OPRM1: variants seen among roughly 807,000 people sequenced by gnomAD.
The protein encoded by OPRM1 is mu-type opioid receptor.
OPRM1 carries 27 observed loss-of-function variants against 31.8 expected under a neutral mutation model. The ratio of observed to expected loss-of-function variants is 0.85; its 90% CI spans 0.63 to 1.17. OPRM1 has a LOEUF of 1.17. OPRM1 is among the 50% of genes most tolerant of loss of function. The pLI, the probability that OPRM1 is intolerant of heterozygous loss-of-function variation, is 0.00. For synonymous variants in OPRM1, 196 were observed against 189.9 expected (o/e 1.03, Z -0.26); for missense variants, 536 against 511.1 (o/e 1.05, Z -0.47).
At chr6:154,141,780 A>G (rs902409430) in intron 3 of OPRM1, among the ~76,000 whole-genome samples, 3 of 152,234 alleles carry the variant, frequency 2.0e-5, no homozygotes, top group South Asian at 2.1e-4. Flanking sequence ...AAAGGAGGCC[A>G]TCAGATATGC....
At chr6:154,132,534 C>G (rs934549651), downstream of OPRM1, among the ~76,000 whole-genome samples, 7 of 152,180 alleles carry the variant, frequency 4.6e-5, no homozygotes, top group Admixed American at 2.0e-4. Flanking sequence ...TGAATTATTT[C>G]TATTTTTAGA....
At chr6:154,088,138 GAATT>G (rs1451619660) in intron 1 of OPRM1, among the ~76,000 whole-genome samples, 3 of 151,294 alleles carry the variant, frequency 2.0e-5, no homozygotes, top group Non-Finnish European at 1.5e-5. Flanking sequence ...CAATAACAAG[GAATT>G]AATTCTTGTT....
intron 3 of OPRM1, among the ~76,000 whole-genome samples, chr6:154,189,380 T>C (rs902535933): frequency 6.6e-6 from 1 of 152,160 alleles, no homozygotes; most frequent in Non-Finnish European, 1.5e-5. Flanking sequence ...CATTTCCAGG[T>C]GTATACCCGT....
chr6:154,163,777 T>C (rs552052869), intron 3 of OPRM1, among the ~76,000 whole-genome samples: 1 of 152,326 alleles, frequency 6.6e-6, no homozygotes, highest in East Asian at 1.9e-4. Context: ...GAGGAAATCC[T>C]TTCCATTAAA....
intron 1 of OPRM1, among the ~76,000 whole-genome samples, chr6:154,044,135 G>A (rs1562392424): frequency 6.6e-6 from 1 of 152,088 alleles, no homozygotes; most frequent in African/African-American, 2.4e-5. Flanking sequence ...GAGAGAGAGA[G>A]AGATAGACAG....
chr6:154,100,061 A>AT lies in OPRM1; in HGVS notation c.1164+8590dup, dbSNP rs1305174260. Among the ~76,000 whole-genome samples the AT allele has an allele frequency of 4.4e-5, 6 of 135,182 alleles. 1 individual carries two copies. The East Asian group carries it at 6.5e-4, about 15-fold the overall frequency. 88.7% of individuals were successfully genotyped at this position (135,182 alleles called of 152,430 possible). A position where few individuals can be genotyped will look rare whatever the true frequency, so the allele number is the denominator to read the frequency against. On this transcript the variant is annotated intron_variant, in intron 3 of 3. Coordinates refer to ENST00000330432, the MANE Select transcript of OPRM1 (RefSeq NM_000914.5). The stretch of plus-strand genomic sequence containing the variant: ...TCATATGATATATATCATATGATAT[A>AT]TATCATGATATATATCATATTATAT...
intron 1 of OPRM1, among the ~76,000 whole-genome samples, chr6:154,084,493 A>G (rs1790017809): frequency 6.6e-6 from 1 of 151,958 alleles, no homozygotes. Flanking sequence ...ATAATAATGG[A>G]TCAATTAACT....
chr6:154,083,723 A>T (rs1409884041), intron 1 of OPRM1: 5 of 152,440 alleles, frequency 3.3e-5, no homozygotes, highest in Admixed American at 1.3e-4. Context: ...TGGGTGGATC[A>T]CGAGGTCAGG....
upstream of OPRM1, chr6:154,039,228 C>A (rs1429620376): frequency 1.5e-5 from 23 of 1,551,626 alleles, no homozygotes; most frequent in Non-Finnish European, 1.7e-5. Flanking sequence ...CAAAATCCAC[C>A]CCTTTTCCCT....
In OPRM1 at chr6:154,213,194, T is replaced by C. The variant is rs141899058; in HGVS notation, c.1165-33499T>C. On this transcript the variant is annotated intron_variant, in intron 3 of 3. Transcript: ENST00000337049. ...TGATTAATTTTGATTGTAGGAATCC[T>C]AATGAATTGAAACTGGCAGGATCAC... 9.9e-3 allele frequency: 2,585 copies of C among 260,048 alleles called. 19 individuals carry two copies. The highest frequency in any genetic ancestry group is 0.016 in the Non-Finnish European group (2,048 of 131,816). 16.1% of individuals were successfully genotyped at this position (260,048 alleles called of 1,614,324 possible). A position where few individuals can be genotyped will look rare whatever the true frequency, so the allele number is the denominator to read the frequency against.
intron 3 of OPRM1, among the ~76,000 whole-genome samples, chr6:154,228,764 G>A (rs1181199399): frequency 2.0e-5 from 3 of 152,194 alleles, no homozygotes; most frequent in Non-Finnish European, 1.5e-5. Flanking sequence ...GCTCATGCCT[G>A]TAATCTCAAG....
intron 3 of OPRM1, 108 bp from the exon 4 acceptor site, chr6:154,118,575 A>C: frequency 1.0e-6 from 1 of 966,046 alleles, no homozygotes; most frequent in Non-Finnish European, 1.6e-6. Flanking sequence ...AGGTGAAAGT[A>C]TACATGAAGG....
chr6:154,209,550 G>C (rs979643680), intron 3 of OPRM1, among the ~76,000 whole-genome samples: 2 of 151,750 alleles, frequency 1.3e-5, no homozygotes, highest in African/African-American at 4.8e-5. Context: ...GGGGGGCCGA[G>C]GTGGGAGGAT....
rs1797220243 is a variant in OPRM1 at position 154,120,074 on chromosome 6, C to G, written c.*1353C>G. On this transcript the variant is annotated 3_prime_UTR_variant, in exon 4 of 4. Transcript: ENST00000330432. The stretch of plus-strand genomic sequence containing the variant: ...GTCAGATGGCCCATGCCTAGAAGCT[C>G]TCCATTTTGAACTTTTGTCAGCATT... Among the ~76,000 whole-genome samples the G allele has an allele frequency of 6.6e-6, 1 of 152,182 alleles. No homozygotes were observed. The highest frequency in any genetic ancestry group is 2.1e-4 in the South Asian group (1 of 4,826).
rs1779567081 is a variant in OPRM1, at chr6:154,039,465, C to T, written c.-80C>T. 6.4e-7 allele frequency: 1 copy of T among 1,553,490 alleles called. No homozygotes were observed. The highest frequency in any genetic ancestry group is 8.7e-7 in the Non-Finnish European group (1 of 1,147,990). ...GAGCTGTGGCAGCGGCGAAAGGAAG[C>T]GGCTGAGGCGCTTGGAACCCGAAAA... On this transcript the variant is annotated 5_prime_UTR_variant, in exon 1 of 4. Coordinates refer to ENST00000330432, the MANE Select transcript of OPRM1 (RefSeq NM_000914.5).
intron 1 of OPRM1, among the ~76,000 whole-genome samples, chr6:154,027,973 G>A (rs560259266): frequency 1.1e-4 from 17 of 152,236 alleles, no homozygotes; most frequent in African/African-American, 3.9e-4. Context: ...CCCCACTGTG[G>A]CCAAGCTGGT....
At chr6:154,144,562 C>T (rs2128539273) in intron 3 of OPRM1, among the ~76,000 whole-genome samples, 1 of 152,014 alleles carries the variant, frequency 6.6e-6, no homozygotes, top group Admixed American at 6.5e-5. Context: ...GCCTGGCCAA[C>T]ATTGTGAAAC....
upstream of OPRM1, among the ~76,000 whole-genome samples, chr6:154,037,590 T>C (rs1779388093): frequency 6.6e-6 from 1 of 152,090 alleles, no homozygotes; most frequent in Non-Finnish European, 1.5e-5. Flanking sequence ...AACTGAATGA[T>C]GCTAATGTTT....
chr6:154,213,354 G>A (rs941944629), intron 3 of OPRM1: 3 of 158,938 alleles, frequency 1.9e-5, no homozygotes, highest in African/African-American at 7.2e-5. Context: ...GTCATAGAAG[G>A]CCTTACATAC....
Sources: gnomAD v4.1 joint callset for allele counts (sites outside exome capture counted in the v4.1 genomes callset) on GRCh38, gnomAD v4.1.1 for gene constraint, MANE v1.5 for transcripts, NCBI Gene and HGNC (gene_info 2026-07-23, HGNC 2026-07-21) for gene names.